LPCAT1: variants seen among roughly 807,000 people sequenced by gnomAD.
LPCAT1 encodes lysophosphatidylcholine acyltransferase 1.
In LPCAT1, 23 loss-of-function variants were observed where a neutral mutation model predicts 60.9. The ratio of observed to expected loss-of-function variants is 0.38; its 90% CI spans 0.27 to 0.53. The LOEUF (loss-of-function observed/expected upper bound fraction) is 0.53, where lower values mean the gene tolerates loss of function less well. LPCAT1 is among the 20% of genes least tolerant of loss of function. LPCAT1 has a pLI of 0.82. For missense variants in LPCAT1, 622 were observed against 723.6 expected, an observed-to-expected ratio of 0.86 and a Z score of 1.61; for synonymous variants, 340 against 301.1, an observed-to-expected ratio of 1.13 and a Z score of -1.34.
Position 1,463,811 on chromosome 5 carries a change from A to T in LPCAT1, c.1445T>A (p.Met482Lys). 2.5e-6 allele frequency: 4 copies of T among 1,614,224 alleles called. No homozygotes were observed. The highest frequency in any genetic ancestry group is 3.4e-6 in the Non-Finnish European group (4 of 1,180,036). The change falls in exon 14 of 14, where the codon ATG becomes AAG. Residue 482 changes from methionine (M) to lysine (K), a missense_variant. Physicochemically the swap from Met to Lys is moderately conservative, Grantham distance 95. Around this residue, in one of 3 missense-constraint regions of LPCAT1, gnomAD observed 288 missense variants for 283.6 expected, o/e 1.02. Coordinates refer to ENST00000283415, the MANE Select transcript of LPCAT1 (RefSeq NM_024830.5). ...GTATTCCTCTGCGAAGGCAGGGTACATTTCTGCAAACCTGTGGAAGTCAGC... is the reference window on the plus strand; with the variant it reads ...GTATTCCTCTGCGAAGGCAGGGTACTTTTCTGCAAACCTGTGGAAGTCAGC... ...TFADFHRFAE[M>K]YPAFAEEYLY...
intron 4 of LPCAT1, among the ~76,000 whole-genome samples, chr5:1,489,216 C>G (rs1252662695): frequency 6.6e-6 from 1 of 152,220 alleles, no homozygotes; most frequent in African/African-American, 2.4e-5. Context: ...CCAGACCCTG[C>G]AAAGCTTCGT....
Position 1,495,170 on chromosome 5 carries a change from G to A in LPCAT1, c.279-256C>T, listed in dbSNP as rs1010644499. On this transcript the variant is annotated intron_variant, in intron 2 of 13. Coordinates refer to ENST00000283415, the MANE Select transcript of LPCAT1 (RefSeq NM_024830.5). This position sits in a 1 kb window ranked among gnomAD's most constrained non-coding sequence, Gnocchi z 4.7. The stretch of plus-strand genomic sequence containing the variant: ...GCCCTGTGTGGTGGTCACGGGCCAC[G>A]CGGCAGGCAGTGCTAAGACAACATG... Among the ~76,000 whole-genome samples, 3 of 152,228 alleles carry A rather than the reference G, an allele frequency of 2.0e-5. No homozygotes were observed. The highest frequency in any genetic ancestry group is 3.9e-4 in the East Asian group (2 of 5,190).
chr5:1,514,917 G>A (rs1391768620), intron 1 of LPCAT1, among the ~76,000 whole-genome samples: 1 of 152,160 alleles, frequency 6.6e-6, no homozygotes, highest in African/African-American at 2.4e-5. Flanking sequence ...CAATCTCCCC[G>A]GACCTCCCGC....
chr5:1,471,219 T>C (rs1287883276), intron 11 of LPCAT1, among the ~76,000 whole-genome samples: 5 of 152,196 alleles, frequency 3.3e-5, no homozygotes, highest in Non-Finnish European at 5.9e-5. Context: ...TGCCAAGACC[T>C]GCATTTGAGA....
chr5:1,488,556 A>G, intron 4 of LPCAT1, 105 bp from the exon 5 acceptor site: 1 of 755,022 alleles, frequency 1.3e-6, no homozygotes. Context: ...CTGCTGACAT[A>G]ATTTGGACAC....
chr5:1,522,849 G>A lies in LPCAT1; in HGVS notation c.135+861C>T, dbSNP rs1195425430. ...ATCTCAGGTAACTGTAAGCCCAGCTGGCAGCCAGGTAGCCGGAAAAGCCAG... is the reference window on the plus strand; with the variant it reads ...ATCTCAGGTAACTGTAAGCCCAGCTAGCAGCCAGGTAGCCGGAAAAGCCAG... On this transcript the variant is annotated intron_variant, in intron 1 of 13. Transcript: ENST00000283415. This position sits in a 1 kb window ranked among gnomAD's most constrained non-coding sequence, Gnocchi z 6.8. Among the ~76,000 whole-genome samples the A allele has an allele frequency of 6.6e-6, 1 of 152,088 alleles. No individual in the cohort carries two copies. The highest frequency in any genetic ancestry group is 1.5e-5 in the Non-Finnish European group (1 of 68,012).
rs1310781928 is a variant in LPCAT1, at chr5:1,523,501, G to T, written c.135+209C>A. Among the ~76,000 whole-genome samples the T allele has an allele frequency of 6.6e-6, 1 of 151,368 alleles. No individual in the cohort carries two copies. On this transcript the variant is annotated intron_variant, in intron 1 of 13. Coordinates refer to ENST00000283415, the MANE Select transcript of LPCAT1 (RefSeq NM_024830.5). The surrounding 1 kb of genome is among the most constrained non-coding windows in gnomAD (Gnocchi z 7.1). ...AGGGACCAGGATGCGCGTGCGGGCG[G>T]CGGGAAGCCGGCGCCGAGACCGAGG...
At chr5:1,501,788 G>A (rs868289711) in intron 1 of LPCAT1, among the ~76,000 whole-genome samples, 185 bp from the exon 2 acceptor site, 5 of 151,666 alleles carry the variant, frequency 3.3e-5, no homozygotes, top group African/African-American at 4.9e-5. Flanking sequence ...GGCTGACCGA[G>A]GCTGACCAGT....
At chr5:1,505,786 ACGTCCATG>A (rs1473793677) in intron 1 of LPCAT1, among the ~76,000 whole-genome samples, 1 of 152,126 alleles carries the variant, frequency 6.6e-6, no homozygotes, top group Non-Finnish European at 1.5e-5. Context: ...CTCACCTCAC[ACGTCCATG>A]CATCCATGCA....
chr5:1,466,010 GCT>G (rs1017173275), intron 13 of LPCAT1, among the ~76,000 whole-genome samples: 7 of 152,212 alleles, frequency 4.6e-5, no homozygotes, highest in African/African-American at 1.4e-4. Flanking sequence ...TGTGCACGCA[GCT>G]CTCTCGCGTG....
chr5:1,495,002 C>CCTG lies in LPCAT1; in HGVS notation c.279-89_279-88insCAG. 7.9e-7 allele frequency: 1 copy of CCTG among 1,272,996 alleles called. No homozygotes were observed. The highest frequency in any genetic ancestry group is 1.1e-6 in the Non-Finnish European group (1 of 918,032). 78.9% of individuals were successfully genotyped at this position (1,272,996 alleles called of 1,614,324 possible). A position where few individuals can be genotyped will look rare whatever the true frequency, so the allele number is the denominator to read the frequency against. Reference sequence around the variant, plus strand: ...ACAGGGGCGGTCCCACGGGAGAGCCCTCCAGGGCGCAGTCCAGGCCACGGG... The same window carrying CCTG: ...ACAGGGGCGGTCCCACGGGAGAGCCCCTGTCCAGGGCGCAGTCCAGGCCACGGG... On this transcript the variant is annotated intron_variant, in intron 2 of 13. Coordinates refer to ENST00000283415, the MANE Select transcript of LPCAT1 (RefSeq NM_024830.5). This position sits in a 1 kb window ranked among gnomAD's most constrained non-coding sequence, Gnocchi z 4.7.
intron 11 of LPCAT1, among the ~76,000 whole-genome samples, chr5:1,473,663 G>A (rs774811268): frequency 6.6e-6 from 1 of 152,212 alleles, no homozygotes; most frequent in Non-Finnish European, 1.5e-5. Flanking sequence ...GTCCCTTGGA[G>A]ACCCCAGGCT....
chr5:1,497,436 G>C (rs1735836576), intron 2 of LPCAT1, among the ~76,000 whole-genome samples: 2 of 152,268 alleles, frequency 1.3e-5, no homozygotes, highest in African/African-American at 2.4e-5. Flanking sequence ...AAGAGGCAGA[G>C]TGGAGCCGGC....
chr5:1,493,766 A>G (rs1023886373), intron 3 of LPCAT1, among the ~76,000 whole-genome samples: 2 of 152,246 alleles, frequency 1.3e-5, no homozygotes, highest in African/African-American at 4.8e-5. Context: ...CAGTGGGTCC[A>G]TGGGATGCGG....
chr5:1,467,915 G>A (rs1174833460), intron 12 of LPCAT1, among the ~76,000 whole-genome samples: 1 of 152,112 alleles, frequency 6.6e-6, no homozygotes, highest in Non-Finnish European at 1.5e-5. Context: ...GGGCTCCGAC[G>A]GGGCCGTCGC....
intron 2 of LPCAT1, 131 bp downstream of exon 2, chr5:1,501,330 G>A: frequency 1.6e-6 from 2 of 1,282,054 alleles, no homozygotes; most frequent in African/African-American, 3.0e-5. Context: ...AGCCCTGGTG[G>A]ACGCTGGGCT....
At chr5:1,500,817 C>T (rs1428675999) in intron 2 of LPCAT1, among the ~76,000 whole-genome samples, 1 of 152,240 alleles carries the variant, frequency 6.6e-6, no homozygotes, top group Non-Finnish European at 1.5e-5. Context: ...GCCACCTGCC[C>T]CCCGAGCAGC....
At chr5:1,518,457 C>T (rs1254010516) in intron 1 of LPCAT1, among the ~76,000 whole-genome samples, 1 of 152,224 alleles carries the variant, frequency 6.6e-6, no homozygotes, top group African/African-American at 2.4e-5. Flanking sequence ...TCTCCTGCCT[C>T]AGCCTCCTGG....
chr5:1,472,449 G>C (rs543104390), intron 11 of LPCAT1, among the ~76,000 whole-genome samples: 1 of 136,366 alleles, frequency 7.3e-6, no homozygotes, highest in Non-Finnish European at 1.5e-5. Context: ...TTGGGTGTCT[G>C]GCAGGTGGAA....
Sources: allele counts gnomAD v4.1 joint callset (sites outside exome capture counted in the v4.1 genomes callset), GRCh38; gene constraint gnomAD v4.1.1; regional missense constraint gnomAD v4.1.1; non-coding constraint Gnocchi (gnomAD v3.1); transcripts MANE v1.5; gene names NCBI Gene and HGNC (gene_info 2026-07-23, HGNC 2026-07-21).